The following KCNK2 variants were observed in gnomAD, a reference collection of about 807,000 sequenced individuals.
KCNK2 encodes the protein potassium two pore domain channel subfamily K member 2.
In KCNK2, 21 loss-of-function variants were observed where a neutral mutation model predicts 40.5. The observed-to-expected ratio is 0.52, with a 90% CI of 0.37 to 0.75. The LOEUF (loss-of-function observed/expected upper bound fraction) is 0.75, where lower values mean the gene tolerates loss of function less well. Among genes scored for constraint, KCNK2 ranks in the 30% least tolerant of loss-of-function variants. The pLI is 0.00. For missense variants in KCNK2, 399 were observed against 531.6 expected (o/e 0.75, Z 2.45); for synonymous variants, 191 against 202.2 (o/e 0.94, Z 0.47).
chr1:215,110,996 C>A (rs1439341224), intron 2 of KCNK2, among the ~76,000 whole-genome samples: 1 of 152,154 alleles, frequency 6.6e-6, no homozygotes, highest in Non-Finnish European at 1.5e-5. Context: ...ACTCTATGCT[C>A]TGCCTAACCC....
chr1:215,049,676 A>G (rs796917480), intron 1 of KCNK2, among the ~76,000 whole-genome samples: 11 of 152,162 alleles, frequency 7.2e-5, no homozygotes, highest in African/African-American at 2.7e-4. Context: ...TGAATAAAAT[A>G]TGAGGTTTAG....
chr1:215,136,347 G>C (rs1661914149), intron 3 of KCNK2, among the ~76,000 whole-genome samples: 1 of 150,616 alleles, frequency 6.6e-6, no homozygotes, highest in Non-Finnish European at 1.5e-5. Context: ...TCCACCCACC[G>C]TCGGCCTCTC....
chr1:215,180,045 T>G (rs1664161052), intron 5 of KCNK2, among the ~76,000 whole-genome samples: 1 of 152,134 alleles, frequency 6.6e-6, no homozygotes, highest in Non-Finnish European at 1.5e-5. Flanking sequence ...TGGTCTAATG[T>G]TGGGTGCATA....
At chr1:215,186,250 C>A (rs971520265) in intron 5 of KCNK2, among the ~76,000 whole-genome samples, 1 of 151,994 alleles carries the variant, frequency 6.6e-6, no homozygotes, top group Non-Finnish European at 1.5e-5. Flanking sequence ...TCTCTACAAA[C>A]ATTTTTAAAA....
At chr1:215,138,240 T>C (rs991997764) in intron 3 of KCNK2, among the ~76,000 whole-genome samples, 2 of 152,308 alleles carry the variant, frequency 1.3e-5, no homozygotes, top group East Asian at 1.9e-4. Context: ...GGTGATGTTA[T>C]AGTGTCAGAT....
chr1:215,030,674 A>G lies in KCNK2; in HGVS notation c.34+24719A>G, dbSNP rs35583334. On this transcript the variant is annotated intron_variant, in intron 1 of 6. Transcript: ENST00000391895. ...CTCAGCCTCCCGAGTAGCTGGGACT[A>G]CAGGTGTGCACCACCATACCAAGTT... 1.1e-3 allele frequency among the ~76,000 whole-genome samples: 173 copies of G among 151,022 alleles called. 4 individuals carry two copies. The East Asian group carries it at 0.02, about 18-fold the overall frequency.
chr1:215,131,359 A>C (rs921666011), intron 3 of KCNK2, among the ~76,000 whole-genome samples: 2 of 147,074 alleles, frequency 1.4e-5, no homozygotes, highest in Non-Finnish European at 3.0e-5. Context: ...TCAATTTATT[A>C]TATATTACAT....
At chr1:215,028,248 G>C (rs564949572) in intron 1 of KCNK2, among the ~76,000 whole-genome samples, 1 of 152,010 alleles carries the variant, frequency 6.6e-6, no homozygotes, top group African/African-American at 2.4e-5. Context: ...TCAGCCGAGC[G>C]TGGTGGCGGG....
chr1:215,083,304 A>G lies in KCNK2; in HGVS notation c.-82A>G. On this transcript the variant is annotated 5_prime_UTR_variant, in exon 1 of 7. An upstream open reading frame in the 5' UTR loses its in-frame stop. Coordinates refer to ENST00000444842, the MANE Select transcript of KCNK2 (RefSeq NM_001017425.3). ...GGAGCGCGCAGCCCGTCTCTGAATAAGAAGTGAGTACAATGGCGTGTTTGT... is the reference window on the plus strand; with the variant it reads ...GGAGCGCGCAGCCCGTCTCTGAATAGGAAGTGAGTACAATGGCGTGTTTGT... The G allele has an allele frequency of 6.2e-7, 1 of 1,613,382 alleles. No homozygotes were observed. Among genetic ancestry groups the G allele is most frequent in the South Asian group, 1.1e-5 (1 of 91,048 alleles).
At chr1:215,053,317 T>C (rs114130891) in intron 1 of KCNK2, among the ~76,000 whole-genome samples, 236 of 152,218 alleles carry the variant, frequency 1.6e-3, no homozygotes, top group Non-Finnish European at 2.6e-3. Context: ...CCCTAGGTAT[T>C]CTGGGTGGTG....
At chr1:215,209,296 A>C (rs1279884265) in intron 6 of KCNK2, among the ~76,000 whole-genome samples, 2 of 89,766 alleles carry the variant, frequency 2.2e-5, no homozygotes, top group Admixed American at 1.9e-4. Context: ...TTTATATATA[A>C]TATATATTAT....
intron 1 of KCNK2, among the ~76,000 whole-genome samples, chr1:215,016,130 A>G (rs953256154): frequency 6.6e-6 from 1 of 152,198 alleles, no homozygotes; most frequent in African/African-American, 2.4e-5. Flanking sequence ...TTAGGGATCT[A>G]GCAACTAAAA....
intron 1 of KCNK2, among the ~76,000 whole-genome samples, chr1:215,066,903 A>T (rs991182269): frequency 6.6e-6 from 1 of 152,242 alleles, no homozygotes; most frequent in Non-Finnish European, 1.5e-5. Flanking sequence ...ATAAAAAAAT[A>T]AAGTTGAAAA....
chr1:215,079,413 T>C (rs370020446), upstream of KCNK2, among the ~76,000 whole-genome samples: 2 of 152,176 alleles, frequency 1.3e-5, no homozygotes, highest in African/African-American at 2.4e-5. Context: ...GCACATCTTA[T>C]ATGACTGGAG....
intron 6 of KCNK2, among the ~76,000 whole-genome samples, chr1:215,230,947 TG>T (rs1666636117): frequency 6.6e-6 from 1 of 152,216 alleles, no homozygotes; most frequent in Non-Finnish European, 1.5e-5. Context: ...TAATAATTTA[TG>T]GACTCCAACA....
In KCNK2 at chr1:215,172,041, C is replaced by T. The variant is rs1239996410; in HGVS notation, c.681C>T (p.Ile227=). The T allele has an allele frequency of 6.2e-7, 1 of 1,612,948 alleles. No homozygotes were observed. The highest frequency in any genetic ancestry group is 2.2e-5 in the East Asian group (1 of 44,818). ...SQTKIRIIST[I]IFILFGCVLF... is the part of the protein sequence containing the mutation. Reference sequence around the variant, plus strand: ...CCAAGATTCGCATCATCTCAACAATCATATTTATACTATTTGGCTGTGTAC... The same window carrying T: ...CCAAGATTCGCATCATCTCAACAATTATATTTATACTATTTGGCTGTGTAC... Residue 227 remains isoleucine, a synonymous_variant, in exon 5 of 7, where the codon ATC becomes ATT. Coordinates refer to ENST00000444842, the MANE Select transcript of KCNK2 (RefSeq NM_001017425.3).
At chr1:215,057,026 G>C (rs1037851215) in intron 1 of KCNK2, among the ~76,000 whole-genome samples, 1 of 152,136 alleles carries the variant, frequency 6.6e-6, no homozygotes, top group Non-Finnish European at 1.5e-5. Flanking sequence ...AGCTAAGAGT[G>C]AGTTTGTGTA....
intron 1 of KCNK2, among the ~76,000 whole-genome samples, chr1:215,054,257 T>G (rs1658082792): frequency 6.6e-6 from 1 of 152,200 alleles, no homozygotes; most frequent in Non-Finnish European, 1.5e-5. Context: ...GGTAGAAGAC[T>G]GTCAAAGGGA....
intron 3 of KCNK2, among the ~76,000 whole-genome samples, chr1:215,142,500 G>C (rs1662228023): frequency 6.6e-6 from 1 of 152,158 alleles, no homozygotes; most frequent in African/African-American, 2.4e-5. Context: ...CAGCAAAATA[G>C]ACTGGGAATG....
Sources: allele counts gnomAD v4.1 joint callset (sites outside exome capture counted in the v4.1 genomes callset), GRCh38; gene constraint gnomAD v4.1.1; transcripts MANE v1.5; gene names NCBI Gene and HGNC (gene_info 2026-07-23, HGNC 2026-07-21).